TBATA: variants seen among roughly 807,000 people sequenced by gnomAD.
The protein encoded by TBATA is protein TBATA.
In TBATA, 47 loss-of-function variants were observed where a neutral mutation model predicts 38.7. The observed-to-expected ratio is 1.21, with a 90% CI of 0.96 to 1.55. The LOEUF (loss-of-function observed/expected upper bound fraction) is 1.55, where lower values mean the gene tolerates loss of function less well. Ranked by LOEUF, TBATA falls within the 40% of genes most tolerant of loss-of-function variation. The pLI is 0.00. For synonymous variants in TBATA, 183 were observed against 170.5 expected (o/e 1.07, Z -0.57); for missense variants, 436 against 435.6 (o/e 1.00, Z -0.01).
chr10:70,777,953 A>G, intron 6 of TBATA: 1 of 333,046 alleles, frequency 3.0e-6, no homozygotes, highest in Middle Eastern at 3.9e-4. Context: ...CAGGAATGAG[A>G]AGCCGGGCCT....
At chr10:70,774,733 C>T (rs533252593) in intron 8 of TBATA, among the ~76,000 whole-genome samples, 1 of 152,292 alleles carries the variant, frequency 6.6e-6, no homozygotes, top group African/African-American at 2.4e-5. Flanking sequence ...TCACTCCTCA[C>T]CCTTCTACTC....
At position 70,779,587 on chromosome 10, in the gene TBATA, AC is replaced by A; in HGVS notation, c.427+5del. ...GGGTAGAGGGAGGCATGGCCCAAGT[AC>A]CCACCAGAAGAAAGCTGGGGGTTCC... On this transcript the variant is annotated splice_donor_5th_base_variant and intron_variant, in intron 5 of 10. Coordinates refer to ENST00000456372, the MANE Select transcript of TBATA (RefSeq NM_001318241.2). 2.0e-6 allele frequency: 3 copies of A among 1,483,326 alleles called. No homozygotes were observed. Among genetic ancestry groups the A allele is most frequent in the Non-Finnish European group, 2.7e-6 (3 of 1,122,118 alleles). The allele number at this position is 1,483,326 out of a possible 1,614,324, so 91.9% of individuals were successfully genotyped here.
chr10:70,772,939 C>T (rs1411559057), intron 9 of TBATA, among the ~76,000 whole-genome samples: 1 of 152,208 alleles, frequency 6.6e-6, no homozygotes, highest in Admixed American at 6.5e-5. Context: ...GTGGGCAAGA[C>T]AAGAACCCTG....
chr10:70,777,306 C>T lies in TBATA; in HGVS notation c.540G>A (p.Glu180=), dbSNP rs759852176. ...TCTCTGCTGAGTACTTTGCCCCCTG[C>T]TCCCGCAGAGGCTCCTCCTTCTGCT... ...QKEQKEEPLR[E]QGAKYSAETG... The change falls in exon 7 of 11, where the codon GAG becomes GAA. Residue 180 remains glutamate (E), a synonymous_variant. Coordinates refer to ENST00000456372, the MANE Select transcript of TBATA (RefSeq NM_001318241.2). The T allele has an allele frequency of 3.7e-6, 6 of 1,613,616 alleles. No individual in the cohort carries two copies. Among genetic ancestry groups the T allele is most frequent in the Non-Finnish European group, 5.1e-6 (6 of 1,179,868 alleles).
chr10:70,772,704 C>T (rs1297261162), intron 9 of TBATA, 138 bp from the exon 10 acceptor site: 2 of 900,542 alleles, frequency 2.2e-6, no homozygotes, highest in African/African-American at 1.6e-5. Flanking sequence ...AAGAGTCACC[C>T]CTCCTGGAGG....
rs140989028 is a variant in TBATA at position 70,779,589 on chromosome 10, C to T, written c.427+4G>A. The T allele has an allele frequency of 2.0e-6, 3 of 1,484,728 alleles. No individual in the cohort carries two copies. Among genetic ancestry groups the T allele is most frequent in the African/African-American group, 1.5e-5 (1 of 67,874 alleles). 92.0% of individuals were successfully genotyped at this position (1,484,728 alleles called of 1,614,324 possible). A position where few individuals can be genotyped will look rare whatever the true frequency, so the allele number is the denominator to read the frequency against. On this transcript the variant is annotated splice_donor_region_variant and intron_variant, in intron 5 of 10. Coordinates refer to ENST00000456372, the MANE Select transcript of TBATA (RefSeq NM_001318241.2). ...GTAGAGGGAGGCATGGCCCAAGTAC[C>T]CACCAGAAGAAAGCTGGGGGTTCCG...
chr10:70,773,681 T>C (rs954307884), intron 9 of TBATA, among the ~76,000 whole-genome samples: 3 of 152,170 alleles, frequency 2.0e-5, no homozygotes, highest in Admixed American at 2.0e-4. Flanking sequence ...GAGCTAATAC[T>C]GCCTCAGTGG....
In TBATA at chr10:70,771,506, G is replaced by T. The variant is rs1224854118; in HGVS notation, c.974-45C>A. ...CAGGCAGGAGAGGACCGGGAAGGTG[G>T]GGCCCCCACCTGGGAGCTGCAGGTG... is the stretch of plus-strand genomic sequence containing the variant. On this transcript the variant is annotated intron_variant, in intron 10 of 10. Coordinates refer to ENST00000456372, the MANE Select transcript of TBATA (RefSeq NM_001318241.2). 5.6e-6 allele frequency: 9 copies of T among 1,595,542 alleles called. No individual in the cohort carries two copies. In the African/African-American group the frequency reaches 8.1e-5, roughly 14 times the overall value.
chr10:70,777,349 A>G lies in TBATA; in HGVS notation c.508-11T>C, dbSNP rs779956318. 6.2e-7 allele frequency: 1 copy of G among 1,610,240 alleles called. No individual in the cohort carries two copies. The highest frequency in any genetic ancestry group is 1.1e-5 in the South Asian group (1 of 90,854). On this transcript the variant is annotated splice_polypyrimidine_tract_variant and intron_variant, in intron 6 of 10. Transcript: ENST00000456372. ...CTTCTGCTCCTTCTGCTGGGACAAA[A>G]GTGGCCAGAGACTCCAGGCAGTCAG...
intron 7 of TBATA, chr10:70,776,303 C>T: frequency 2.2e-6 from 1 of 456,336 alleles, no homozygotes; most frequent in East Asian, 7.0e-5. Flanking sequence ...GGGCCCTTCT[C>T]CATTCTCTGT....
chr10:70,773,619 T>C (rs1843013367), intron 9 of TBATA, among the ~76,000 whole-genome samples: 1 of 152,218 alleles, frequency 6.6e-6, no homozygotes, highest in African/African-American at 2.4e-5. Context: ...CAGGTTACTT[T>C]GGGTAGGCCA....
chr10:70,771,384 C>G lies in TBATA; in HGVS notation c.1051G>C (p.Glu351Gln), dbSNP rs757388985. ...TEKKTSKPRAES is the reference protein window; with the variant it reads ...TEKKTSKPRAQS The stretch of plus-strand genomic sequence containing the variant: ...GCAAGTGTTAGGGCCCCTCAGCTCT[C>G]TGCCCTCGGCTTCGATGTCTTCTTC... The change falls in exon 11 of 11, where the codon GAG (glutamate) becomes CAG (glutamine). Residue 351 changes from glutamate (E) to glutamine (Q), a missense_variant. Transcript: ENST00000456372. 5.0e-6 allele frequency: 8 copies of G among 1,614,246 alleles called. No homozygotes were observed. Among genetic ancestry groups the G allele is most frequent in the Non-Finnish European group, 5.9e-6 (7 of 1,180,030 alleles).
chr10:70,775,041 T>A, intron 8 of TBATA, 148 bp downstream of exon 8: 1 of 638,216 alleles, frequency 1.6e-6, no homozygotes, highest in Non-Finnish European at 2.7e-6. Context: ...GAAGGGTTAG[T>A]TTGGGGCTCC....
chr10:70,782,220 G>T, intron 3 of TBATA, 184 bp from the exon 4 acceptor site: 1 of 1,348,900 alleles, frequency 7.4e-7, no homozygotes, highest in African/African-American at 1.4e-5. Context: ...TTTCCCAACT[G>T]GTGCAATCCT....
intron 4 of TBATA, among the ~76,000 whole-genome samples, chr10:70,780,044 T>C (rs1843970738): frequency 6.6e-6 from 1 of 152,194 alleles, no homozygotes; most frequent in Non-Finnish European, 1.5e-5. Context: ...TCCGATTTCC[T>C]GTGACAGGGC....
chr10:70,777,936 T>C (rs1843641292), intron 6 of TBATA: 1 of 350,892 alleles, frequency 2.8e-6, no homozygotes, highest in Non-Finnish European at 5.6e-6. Flanking sequence ...AGTGAGTTAG[T>C]TGTGAGCAGG....
rs375020742 is a variant in TBATA at position 70,778,511 on chromosome 10, A to G, written c.507+46T>C. The G allele has an allele frequency of 2.8e-5, 44 of 1,567,150 alleles. No homozygotes were observed. The African/African-American group carries it at 5.7e-4, about 20-fold the overall frequency. On this transcript the variant is annotated intron_variant, in intron 6 of 10. Coordinates refer to ENST00000456372, the MANE Select transcript of TBATA (RefSeq NM_001318241.2). ...GAGGGATCTCCTTACACAGGGAAGG[A>G]TCCGTTTCTCCTCTTCCCAGACTAG...
rs768097548 is a variant in TBATA, at chr10:70,775,171, G to GC, written c.775+17dup. The GC allele has an allele frequency of 6.2e-7, 1 of 1,607,620 alleles. No homozygotes were observed. The highest frequency in any genetic ancestry group is 1.3e-5 in the African/African-American group (1 of 74,962). ...TGGCAGCCTCCACTGAGACAGTGCT[G>GC]CGGGGCTGTGTCCTCACCCTTGGGC... is the stretch of plus-strand genomic sequence containing the variant. On this transcript the variant is annotated intron_variant, in intron 8 of 10. Transcript: ENST00000456372.
intron 7 of TBATA, among the ~76,000 whole-genome samples, chr10:70,775,778 G>A (rs571898742): frequency 6.6e-6 from 1 of 152,326 alleles, no homozygotes; most frequent in East Asian, 1.9e-4. Context: ...TGGGGATGTT[G>A]GAAAAGGGAT....
Sources: allele counts gnomAD v4.1 joint callset (sites outside exome capture counted in the v4.1 genomes callset), GRCh38; gene constraint gnomAD v4.1.1; transcripts MANE v1.5; gene names NCBI Gene and HGNC (gene_info 2026-07-23, HGNC 2026-07-21).